Variants in FAM133A observed in about 807,000 individuals in gnomAD.
FAM133A encodes protein FAM133A.
For synonymous variants in FAM133A, 65 were observed against 58.6 expected (o/e 1.11, Z -0.50); for missense variants, 159 against 164.4 (o/e 0.97, Z 0.18).
At chrX:93,674,377 G>C (rs1156370571) in intron 1 of FAM133A, 103 bp downstream of exon 1, 1 of 111,836 alleles carries the variant, frequency 8.9e-6, no homozygotes, top group East Asian at 2.8e-4. Context: ...CTCAATGCTT[G>C]TAACAACCTT....
chrX:93,708,551 G>A (rs188576319), intron 3 of FAM133A, among the ~76,000 whole-genome samples: 555 of 111,714 alleles, frequency 5.0e-3, no homozygotes, highest in South Asian at 0.012. Flanking sequence ...TATTAGCCAT[G>A]TTACTTCATG....
In FAM133A at chrX:93,676,618, GT is replaced by G. The variant is rs59775813; in HGVS notation, c.-193+1879del. On this transcript the variant is annotated intron_variant, in intron 2 of 3. Coordinates refer to ENST00000683942, the MANE Select transcript of FAM133A (RefSeq NM_001171109.2). ...AGTTACTTTCATATTAAAATTGGTTGTTTTTTTTTTTTTGGATACTTGTGGG... is the reference window on the plus strand; with the variant it reads ...AGTTACTTTCATATTAAAATTGGTTGTTTTTTTTTTTTGGATACTTGTGGG... 8.6e-3 allele frequency among the ~76,000 whole-genome samples: 806 copies of G among 94,028 alleles called. 10 individuals carry two copies. Among genetic ancestry groups the G allele is most frequent in the African/African-American group, 0.026 (677 of 26,355 alleles). The allele number at this position is 94,028 out of a possible 115,157, so 81.7% of individuals were successfully genotyped here. A position where few individuals can be genotyped will look rare whatever the true frequency, so the allele number is the denominator to read the frequency against.
chrX:93,693,916 A>T (rs2147624426), intron 2 of FAM133A, among the ~76,000 whole-genome samples: 1 of 111,990 alleles, frequency 8.9e-6, no homozygotes, highest in South Asian at 3.6e-4. Flanking sequence ...TAGATAATAG[A>T]TTATGAATAT....
intron 3 of FAM133A, among the ~76,000 whole-genome samples, chrX:93,701,017 TCTTTGATAAGTTG>T (rs1926659429): frequency 9.0e-6 from 1 of 111,537 alleles, no homozygotes; most frequent in African/African-American, 3.3e-5. Context: ...TAAGGCCTTA[TCTTTGATAAGTTG>T]TTAGACGAGA....
At chrX:93,676,994 T>G (rs1924753262) in intron 2 of FAM133A, among the ~76,000 whole-genome samples, 1 of 109,960 alleles carries the variant, frequency 9.1e-6, no homozygotes, top group Admixed American at 9.8e-5. Flanking sequence ...AAAATAAGCT[T>G]TTTCTTCATA....
intron 3 of FAM133A, among the ~76,000 whole-genome samples, chrX:93,699,450 T>C (rs967770831): frequency 9.0e-6 from 1 of 111,627 alleles, no homozygotes; most frequent in African/African-American, 3.3e-5. Flanking sequence ...AGCATTGAGA[T>C]ATTTCTGTCT....
chrX:93,705,389 G>T lies in FAM133A; in HGVS notation c.-103-3928G>T, dbSNP rs1602848011. 2.7e-5 allele frequency among the ~76,000 whole-genome samples: 3 copies of T among 111,595 alleles called. No individual in the cohort carries two copies. In the Admixed American group the frequency reaches 2.9e-4, roughly 11 times the overall value. ...AGTGCTTTTAAAACAGAGTATTTGAGCAAGAGACTTTGTTGGTGTTACTTT... is the reference window on the plus strand; with the variant it reads ...AGTGCTTTTAAAACAGAGTATTTGATCAAGAGACTTTGTTGGTGTTACTTT... On this transcript the variant is annotated intron_variant, in intron 3 of 3. Coordinates refer to ENST00000683942, the MANE Select transcript of FAM133A (RefSeq NM_001171109.2).
chrX:93,680,994 A>G (rs933943243), intron 2 of FAM133A, among the ~76,000 whole-genome samples: 4 of 111,109 alleles, frequency 3.6e-5, no homozygotes, highest in Non-Finnish European at 7.5e-5. Context: ...TTTTGAATGT[A>G]CAAACAGCGT....
At chrX:93,703,657 C>T (rs1184337839) in intron 3 of FAM133A, among the ~76,000 whole-genome samples, 3 of 112,385 alleles carry the variant, frequency 2.7e-5, no homozygotes, top group Non-Finnish European at 3.8e-5. Flanking sequence ...AAATGTCTTA[C>T]TATATTAAGG....
Position 93,675,479 on chromosome X carries a change from C to A in FAM133A, c.-193+727C>A, listed in dbSNP as rs1469695693. On this transcript the variant is annotated intron_variant, in intron 2 of 3. Coordinates refer to ENST00000683942, the MANE Select transcript of FAM133A (RefSeq NM_001171109.2). ...TGACCAGATTCCTGTTATAGGGTGG[C>A]CATTTCTATACCATCTCTCCCCTTA... Among the ~76,000 whole-genome samples the A allele has an allele frequency of 2.7e-5, 3 of 111,094 alleles. No homozygotes were observed. The Admixed American group carries it at 2.9e-4, about 11-fold the overall frequency.
intron 2 of FAM133A, among the ~76,000 whole-genome samples, chrX:93,677,160 G>T (rs1040581295): frequency 9.1e-6 from 1 of 109,304 alleles, no homozygotes; most frequent in East Asian, 2.9e-4. Flanking sequence ...TTTTTTGGCG[G>T]GGGGGCTAAA....
chrX:93,679,162 C>A (rs987926123), intron 2 of FAM133A, among the ~76,000 whole-genome samples: 13 of 110,445 alleles, frequency 1.2e-4, no homozygotes, highest in African/African-American at 4.3e-4. Context: ...TAAAGAGAGA[C>A]CTGCTTGCAA....
intron 3 of FAM133A, among the ~76,000 whole-genome samples, chrX:93,708,442 C>A (rs961452162): frequency 8.9e-6 from 1 of 111,761 alleles, no homozygotes; most frequent in Non-Finnish European, 1.9e-5. Context: ...TGGAAAAATG[C>A]TACCTATTAA....
chrX:93,700,037 G>GT (rs372112903), intron 3 of FAM133A, among the ~76,000 whole-genome samples: 49 of 104,678 alleles, frequency 4.7e-4, no homozygotes, highest in African/African-American at 8.6e-4. Flanking sequence ...TCTGATACAT[G>GT]TTTTTTTTTT....
At chrX:93,676,302 C>T (rs1380731891) in intron 2 of FAM133A, among the ~76,000 whole-genome samples, 1 of 111,346 alleles carries the variant, frequency 9.0e-6, no homozygotes, top group Non-Finnish European at 1.9e-5. Flanking sequence ...TTAAAAGTAA[C>T]TCAAAATACC....
chrX:93,709,197 A>G, intron 3 of FAM133A, 120 bp from the exon 4 acceptor site: 1 of 321,711 alleles, frequency 3.1e-6, no homozygotes, highest in Middle Eastern at 9.0e-4. Context: ...TTCCCATGGT[A>G]TAAGATTTTG....
At chrX:93,696,705 G>A (rs1926302310) in intron 2 of FAM133A, among the ~76,000 whole-genome samples, 1 of 111,064 alleles carries the variant, frequency 9.0e-6, no homozygotes. Context: ...GGGATCTCGA[G>A]GTCAGGAGAT....
intron 2 of FAM133A, among the ~76,000 whole-genome samples, chrX:93,696,391 T>A (rs925105722): frequency 2.1e-4 from 23 of 111,492 alleles, no homozygotes; most frequent in African/African-American, 6.5e-4. Context: ...ATCGCCATCA[T>A]CTTCTCATAG....
chrX:93,697,190 T>TATATATATATATAA lies in FAM133A; in HGVS notation c.-192-1206_-192-1205insTATATATATATAAA, dbSNP rs1176351541. On this transcript the variant is annotated intron_variant, in intron 2 of 3. Coordinates refer to ENST00000683942, the MANE Select transcript of FAM133A (RefSeq NM_001171109.2). ...AGTTATATATATATATATATATATA[T>TATATATATATATAA]AATATATCATAGGCAGGTTAATATA... is the stretch of plus-strand genomic sequence containing the variant. Among the ~76,000 whole-genome samples, 180 of 97,807 alleles carry TATATATATATATAA rather than the reference T, an allele frequency of 1.8e-3. 1 individual carries two copies. The East Asian group carries it at 0.037, about 20-fold the overall frequency. The allele number at this position is 97,807 out of a possible 115,157, so 84.9% of individuals were successfully genotyped here.
Sources: allele counts gnomAD v4.1 joint callset (sites outside exome capture counted in the v4.1 genomes callset), GRCh38; gene constraint gnomAD v4.1.1; transcripts MANE v1.5; gene names NCBI Gene and HGNC (gene_info 2026-07-23, HGNC 2026-07-21).